Variants in TNFSF4 observed in about 807,000 individuals in gnomAD.
TNFSF4 encodes the protein TNF superfamily member 4.
A neutral mutation model predicts 7.3 loss-of-function variants in TNFSF4; 4 were observed. The ratio of observed to expected loss-of-function variants is 0.55; its 90% CI spans 0.27 to 1.25. The LOEUF (loss-of-function observed/expected upper bound fraction) is 1.25. Among genes scored for constraint, TNFSF4 ranks in the 50% most tolerant of loss-of-function variants. The pLI is 0.12. For missense variants in TNFSF4, 181 were observed against 208.8 expected (o/e 0.87, Z 0.82); for synonymous variants, 76 against 83.7 (o/e 0.91, Z 0.50).
the TNFSF4 span, among the ~76,000 whole-genome samples, chr1:173,299,654 C>T: frequency 1.3e-5 from 2 of 151,958 alleles, no homozygotes; most frequent in South Asian, 2.1e-4. Context: ...GATTTATGAG[C>T]CTGGAATTAA....
the TNFSF4 span, among the ~76,000 whole-genome samples, chr1:173,342,761 T>C: frequency 3.3e-5 from 5 of 152,122 alleles, no homozygotes; most frequent in Non-Finnish European, 7.4e-5. Flanking sequence ...AATGTGATGA[T>C]AAACGGGAAC....
At chr1:173,199,656 C>A (rs1211943780) in intron 1 of TNFSF4, among the ~76,000 whole-genome samples, 1 of 152,216 alleles carries the variant, frequency 6.6e-6, no homozygotes, top group Admixed American at 6.5e-5. Context: ...CTGTGAGAGA[C>A]TAAATTTCTG....
intron 1 of TNFSF4, among the ~76,000 whole-genome samples, chr1:173,199,629 A>G (rs1249100200): frequency 6.6e-6 from 1 of 152,214 alleles, no homozygotes. Flanking sequence ...TGGATTTCAC[A>G]TTTCTATTCT....
At chr1:173,364,239 A>ATATATATG in the TNFSF4 span, among the ~76,000 whole-genome samples, 1 of 149,606 alleles carries the variant, frequency 6.7e-6, no homozygotes. Flanking sequence ...ATATATATAT[A>ATATATATG]TATGTACTGA....
the TNFSF4 span, among the ~76,000 whole-genome samples, chr1:173,361,357 A>G: frequency 5.2e-3 from 797 of 152,244 alleles, 6 homozygotes; most frequent in African/African-American, 0.018. Flanking sequence ...AAGTATGACC[A>G]ACAACTTATA....
At chr1:173,219,669 T>TAC in the TNFSF4 span, among the ~76,000 whole-genome samples, 4,902 of 146,914 alleles carry the variant, frequency 0.033, 96 homozygotes, top group Admixed American at 0.056. Flanking sequence ...GAAATTGTGA[T>TAC]ACACACACAC....
At chr1:173,415,330 G>A in the TNFSF4 span, among the ~76,000 whole-genome samples, 1 of 152,230 alleles carries the variant, frequency 6.6e-6, no homozygotes, top group Non-Finnish European at 1.5e-5. Context: ...GGGAGGATGG[G>A]TGACACCTGA....
the TNFSF4 span, among the ~76,000 whole-genome samples, chr1:173,439,539 C>T: frequency 2.6e-5 from 4 of 152,186 alleles, no homozygotes; most frequent in Non-Finnish European, 4.4e-5. Context: ...AGTGAATGCC[C>T]TGAGTGGCAG....
the TNFSF4 span, among the ~76,000 whole-genome samples, chr1:173,371,314 A>G: frequency 6.6e-6 from 1 of 152,182 alleles, no homozygotes; most frequent in Non-Finnish European, 1.5e-5. Flanking sequence ...CTTTCTTGTT[A>G]TGCCTGTAAG....
At chr1:173,367,106 C>T in the TNFSF4 span, among the ~76,000 whole-genome samples, 8 of 152,192 alleles carry the variant, frequency 5.3e-5, no homozygotes, top group East Asian at 3.8e-4. Context: ...ATCACACATC[C>T]CTTCATGTTA....
chr1:173,370,002 G>T, the TNFSF4 span, among the ~76,000 whole-genome samples: 1 of 151,964 alleles, frequency 6.6e-6, no homozygotes, highest in Non-Finnish European at 1.5e-5. Flanking sequence ...ACAAGCAAAG[G>T]ACTCTCCAAG....
chr1:173,334,669 A>C, the TNFSF4 span, among the ~76,000 whole-genome samples: 2 of 152,210 alleles, frequency 1.3e-5, no homozygotes, highest in African/African-American at 2.4e-5. Flanking sequence ...ACCCTGATGA[A>C]GCTGGGGACA....
chr1:173,347,339 G>C, the TNFSF4 span, among the ~76,000 whole-genome samples: 4 of 152,018 alleles, frequency 2.6e-5, no homozygotes, highest in Non-Finnish European at 4.4e-5. Flanking sequence ...TAAAGTAAAT[G>C]TTCTAAGGAA....
chr1:173,181,712 C>T (rs1649057652), downstream of TNFSF4, among the ~76,000 whole-genome samples: 1 of 152,200 alleles, frequency 6.6e-6, no homozygotes. Flanking sequence ...CATTCCATGA[C>T]TCAGGGCCAT....
chr1:173,283,310 G>T, the TNFSF4 span, among the ~76,000 whole-genome samples: 1 of 152,048 alleles, frequency 6.6e-6, no homozygotes, highest in African/African-American at 2.4e-5. Flanking sequence ...AAAAAAGAGA[G>T]TTGAAACCTG....
At chr1:173,174,847 G>T in the TNFSF4 span, among the ~76,000 whole-genome samples, 16 of 152,228 alleles carry the variant, frequency 1.1e-4, no homozygotes, top group South Asian at 3.1e-3. Flanking sequence ...CACTTCTATA[G>T]AATTTTCAAT....
chr1:173,205,623 C>T, intron 1 of TNFSF4: 1 of 1,101,002 alleles, frequency 9.1e-7, no homozygotes, highest in Non-Finnish European at 1.1e-6. Flanking sequence ...CTCAGGGCTC[C>T]CAGACTGGTG....
At chr1:173,352,884 G>C in the TNFSF4 span, among the ~76,000 whole-genome samples, 2 of 152,080 alleles carry the variant, frequency 1.3e-5, no homozygotes, top group Non-Finnish European at 2.9e-5. Context: ...CCTCCTCCTG[G>C]GAATGCATTC....
chr1:173,415,718 C>T, the TNFSF4 span, among the ~76,000 whole-genome samples: 1 of 152,344 alleles, frequency 6.6e-6, no homozygotes, highest in South Asian at 2.1e-4. Flanking sequence ...ATGGCTCCCT[C>T]ACAGGTGCAA....
Sources: allele counts gnomAD v4.1 joint callset (sites outside exome capture counted in the v4.1 genomes callset), GRCh38; gene constraint gnomAD v4.1.1; transcripts MANE v1.5; gene names NCBI Gene and HGNC (gene_info 2026-07-23, HGNC 2026-07-21).